Variants in TPD52L3 observed in about 807,000 individuals in gnomAD.
TPD52L3 encodes the protein tumor protein D55.
TPD52L3 carries 12 observed loss-of-function variants against 8.7 expected under a neutral mutation model. The observed-to-expected ratio is 1.38, with a 90% confidence interval of 0.89 to 2.24. TPD52L3 has a LOEUF of 2.24. TPD52L3 is among the 30% of genes most tolerant of loss of function. TPD52L3 has a pLI of 0.00. For missense variants in TPD52L3, 207 were observed against 158.7 expected, an observed-to-expected ratio of 1.30 and a Z score of -1.64; for synonymous variants, 79 against 66.8, an observed-to-expected ratio of 1.18 and a Z score of -0.89.
At chr9:6,330,361 A>C in intron 1 of TPD52L3, 1 of 1,460,960 alleles carries the variant, frequency 6.8e-7, no homozygotes, top group Non-Finnish European at 9.0e-7. Context: ...ACTCCTCTAG[A>C]CACACTGCCT....
chr9:6,330,246 G>C, intron 1 of TPD52L3: 2 of 1,605,976 alleles, frequency 1.2e-6, no homozygotes, highest in African/African-American at 2.7e-5. Flanking sequence ...TAGGAACCTG[G>C]ACGGTGCTTG....
At position 6,329,563 on chromosome 9, in the gene TPD52L3, GT is replaced by G. The variant is rs1040027098; in HGVS notation, c.367+608del. Reference sequence around the variant, plus strand: ...AAAGAGGTATGAAGTAATCTGTAGTGTTTTTTTGGTTTGTTTGTTTGTTTTC... The same window carrying G: ...AAAGAGGTATGAAGTAATCTGTAGTGTTTTTTGGTTTGTTTGTTTGTTTTC... On this transcript the variant is annotated intron_variant, in intron 1 of 1. Coordinates refer to ENST00000314556, the MANE Select transcript of TPD52L3 (RefSeq NM_001001874.3). The G allele has an allele frequency of 1.5e-4, 152 of 1,002,282 alleles. 1 individual carries two copies. Among genetic ancestry groups the G allele is most frequent in the Non-Finnish European group, 1.7e-4 (144 of 831,616 alleles). 62.1% of individuals were successfully genotyped at this position (1,002,282 alleles called of 1,614,324 possible).
intron 1 of TPD52L3, chr9:6,330,465 C>G (rs1351509802): frequency 7.6e-7 from 1 of 1,315,226 alleles, no homozygotes; most frequent in African/African-American, 1.5e-5. Flanking sequence ...ATGGTAATCC[C>G]TCCAGCCTAA....
rs898778212 is a variant in TPD52L3, at chr9:6,331,086, G to A, written c.*67G>A. On this transcript the variant is annotated 3_prime_UTR_variant, in exon 2 of 2. Coordinates refer to ENST00000314556, the MANE Select transcript of TPD52L3 (RefSeq NM_001001874.3). ...ATCAACAACATGAACTTGTTCACAA[G>A]TTCCTTCTGCTTTTAAACAAAAATA... The A allele has an allele frequency of 6.5e-7, 1 of 1,533,892 alleles. No homozygotes were observed. Among genetic ancestry groups the A allele is most frequent in the Non-Finnish European group, 8.9e-7 (1 of 1,119,748 alleles).
At chr9:6,330,934 T>C in intron 1 of TPD52L3, 42 bp from the exon 2 acceptor site, 2 of 1,608,336 alleles carry the variant, frequency 1.2e-6, no homozygotes, top group Non-Finnish European at 1.7e-6. Context: ...GTAAAGTACA[T>C]ATTTATTTTT....
chr9:6,331,083 C>A lies in TPD52L3; in HGVS notation c.*64C>A, dbSNP rs1040662647. ...ACTATCAACAACATGAACTTGTTCA[C>A]AAGTTCCTTCTGCTTTTAAACAAAA... On this transcript the variant is annotated 3_prime_UTR_variant, in exon 2 of 2. Coordinates refer to ENST00000314556, the MANE Select transcript of TPD52L3 (RefSeq NM_001001874.3). The A allele has an allele frequency of 4.6e-6, 7 of 1,538,034 alleles. No homozygotes were observed. The African/African-American group carries it at 8.2e-5, about 18-fold the overall frequency.
In TPD52L3 at chr9:6,331,864, A is replaced by G. The variant is rs1030215515; in HGVS notation, c.*845A>G. The stretch of plus-strand genomic sequence containing the variant: ...TTTTGTATCAGTGGTCATGGGCACC[A>G]AATAAAATGCTTCCATGAACATTTG... On this transcript the variant is annotated 3_prime_UTR_variant, in exon 2 of 2. Transcript: ENST00000314556. 17 of 152,210 alleles carry G rather than the reference A, an allele frequency of 1.1e-4. No homozygotes were observed. The highest frequency in any genetic ancestry group is 4.1e-4 in the African/African-American group (17 of 41,452). 9.4% of individuals were successfully genotyped at this position (152,210 alleles called of 1,614,324 possible). A position where few individuals can be genotyped will look rare whatever the true frequency, so the allele number is the denominator to read the frequency against.
At position 6,330,010 on chromosome 9, in the gene TPD52L3, C is replaced by T. The variant is rs1279908477; in HGVS notation, c.368-966C>T. Reference sequence around the variant, plus strand: ...GCAATTCCTAGTTAGTTACCACCTCCAGCTGAGGGGCTGGAGGAAAACAGG... The same window carrying T: ...GCAATTCCTAGTTAGTTACCACCTCTAGCTGAGGGGCTGGAGGAAAACAGG... On this transcript the variant is annotated intron_variant, in intron 1 of 1. Transcript: ENST00000314556. 6 of 1,358,436 alleles carry T rather than the reference C, an allele frequency of 4.4e-6. No homozygotes were observed. The East Asian group carries it at 1.1e-4, about 25-fold the overall frequency. 84.1% of individuals were successfully genotyped at this position (1,358,436 alleles called of 1,614,324 possible). A position where few individuals can be genotyped will look rare whatever the true frequency, so the allele number is the denominator to read the frequency against.
At chr9:6,330,158 C>T (rs1375311293) in intron 1 of TPD52L3, 2 of 1,613,950 alleles carry the variant, frequency 1.2e-6, no homozygotes, top group Admixed American at 3.3e-5. Context: ...TTGCTCTTAA[C>T]TCCAAGTCTG....
chr9:6,331,176 G>C lies in TPD52L3; in HGVS notation c.*157G>C, dbSNP rs1818144187. The stretch of plus-strand genomic sequence containing the variant: ...TCAAGAACTGTCCCAGGTTCTGAAA[G>C]CATAGAATTAGACATCGTATGTGCC... On this transcript the variant is annotated 3_prime_UTR_variant, in exon 2 of 2. Coordinates refer to ENST00000314556, the MANE Select transcript of TPD52L3 (RefSeq NM_001001874.3). The C allele has an allele frequency of 4.3e-6, 3 of 704,498 alleles. No individual in the cohort carries two copies. The highest frequency in any genetic ancestry group is 6.9e-6 in the Non-Finnish European group (3 of 431,890). 43.6% of individuals were successfully genotyped at this position (704,498 alleles called of 1,614,324 possible).
At chr9:6,330,243 C>T (rs1818124268) in intron 1 of TPD52L3, 1 of 1,606,238 alleles carries the variant, frequency 6.2e-7, no homozygotes, top group Non-Finnish European at 8.5e-7. Flanking sequence ...CAGTAGGAAC[C>T]TGGACGGTGC....
At position 6,330,192 on chromosome 9, in the gene TPD52L3, A is replaced by T. The variant is rs770282610; in HGVS notation, c.368-784A>T. The T allele has an allele frequency of 4.3e-6, 7 of 1,614,008 alleles. No individual in the cohort carries two copies. The East Asian group carries it at 1.6e-4, about 36-fold the overall frequency. On this transcript the variant is annotated intron_variant, in intron 1 of 1. Transcript: ENST00000314556. The stretch of plus-strand genomic sequence containing the variant: ...TGCCCTTCTTTTTAGGAAACCCTAA[A>T]GGAGAAGGAAGCAGAATATAACCCT...
intron 1 of TPD52L3, chr9:6,330,238 G>A (rs1222569438): frequency 1.9e-6 from 3 of 1,611,360 alleles, no homozygotes; most frequent in African/African-American, 2.7e-5. Flanking sequence ...CAAGACAGTA[G>A]GAACCTGGAC....
At position 6,328,592 on chromosome 9, in the gene TPD52L3, G is replaced by C. The variant is rs376747813; in HGVS notation, c.-4G>C. The C allele has an allele frequency of 5.0e-6, 8 of 1,612,368 alleles. No individual in the cohort carries two copies. Among genetic ancestry groups the C allele is most frequent in the South Asian group, 3.3e-5 (3 of 91,042 alleles). On this transcript the variant is annotated 5_prime_UTR_variant, in exon 1 of 2. Transcript: ENST00000314556. ...CTCTTAACGAAGATCTTCTTTCCCA[G>C]TCCATGCCACATGCCAGGACAGAGA... is the stretch of plus-strand genomic sequence containing the variant.
intron 1 of TPD52L3, chr9:6,330,207 A>T: frequency 6.2e-7 from 1 of 1,614,086 alleles, no homozygotes; most frequent in Non-Finnish European, 8.5e-7. Context: ...AAGGAAGCAG[A>T]ATATAACCCT....
chr9:6,331,198 T>G lies in TPD52L3; in HGVS notation c.*179T>G, dbSNP rs1818144546. 1.7e-6 allele frequency: 1 copy of G among 575,816 alleles called. No individual in the cohort carries two copies. The allele number at this position is 575,816 out of a possible 1,614,324, so 35.7% of individuals were successfully genotyped here. ...AAAGCATAGAATTAGACATCGTATG[T>G]GCCCTCTAGAAACACTTAGACTTTC... On this transcript the variant is annotated 3_prime_UTR_variant, in exon 2 of 2. Coordinates refer to ENST00000314556, the MANE Select transcript of TPD52L3 (RefSeq NM_001001874.3).
chr9:6,329,272 A>G, intron 1 of TPD52L3: 1 of 1,299,236 alleles, frequency 7.7e-7, no homozygotes, highest in Non-Finnish European at 9.9e-7. Context: ...CCACAATGGT[A>G]AAGTGGTTAA....
At chr9:6,329,973 G>T in intron 1 of TPD52L3, 1 of 1,317,298 alleles carries the variant, frequency 7.6e-7, no homozygotes, top group Non-Finnish European at 9.7e-7. Flanking sequence ...GGAAGAAATT[G>T]CCTCTCTGGC....
At position 6,330,983 on chromosome 9, in the gene TPD52L3, C is replaced by T. The variant is rs759599244; in HGVS notation, c.375C>T (p.Ile125=). The change falls in exon 2 of 2, where the codon ATC becomes ATT. Residue 125 remains isoleucine, a synonymous_variant. Transcript: ENST00000314556. ...SATFRSFEGL[I]FNKYTLNQGR... ...TTCCCATTTCTGGCTTAGGATTGAT[C>T]TTCAATAAATACACGTTAAATCAAG... is the stretch of plus-strand genomic sequence containing the variant. 1.7e-5 allele frequency: 28 copies of T among 1,612,348 alleles called. No individual in the cohort carries two copies. The South Asian group carries it at 3.0e-4, about 17-fold the overall frequency.
Sources: allele counts gnomAD v4.1 joint callset, GRCh38; gene constraint gnomAD v4.1.1; transcripts MANE v1.5; gene names NCBI Gene and HGNC (gene_info 2026-07-23, HGNC 2026-07-21).